The following SLCO1B1 variants were observed in gnomAD, a reference collection of about 807,000 sequenced individuals.
SLCO1B1 encodes solute carrier organic anion transporter family member 1B1, also known as OATP-2.
SLCO1B1 carries 81 observed loss-of-function variants against 70.1 expected under a neutral mutation model. The observed-to-expected ratio is 1.16, with a 90% CI of 0.97 to 1.39. The LOEUF (loss-of-function observed/expected upper bound fraction) is 1.39, where lower values mean the gene tolerates loss of function less well. Among genes scored for constraint, SLCO1B1 ranks in the 40% most tolerant of loss-of-function variants. SLCO1B1 has a pLI of 0.00. For synonymous variants in SLCO1B1, 283 were observed against 271.5 expected, an observed-to-expected ratio of 1.04 and a Z score of -0.42; for missense variants, 895 against 799.6, an observed-to-expected ratio of 1.12 and a Z score of -1.44.
chr12:21,156,167 T>A (rs1263832117), intron 2 of SLCO1B1, among the ~76,000 whole-genome samples: 2 of 152,156 alleles, frequency 1.3e-5, no homozygotes, highest in African/African-American at 4.8e-5. Context: ...TGTGATTTCA[T>A]AATGGAGACC....
chr12:21,184,244 A>G (rs115823375), intron 7 of SLCO1B1, among the ~76,000 whole-genome samples: 89 of 152,288 alleles, frequency 5.8e-4, no homozygotes, highest in African/African-American at 2.1e-3. Context: ...TTCCTAAATT[A>G]CAGAGAACCC....
intron 14 of SLCO1B1, among the ~76,000 whole-genome samples, chr12:21,238,587 A>G (rs1400748086): frequency 1.3e-5 from 2 of 152,068 alleles, no homozygotes; most frequent in Middle Eastern, 6.8e-3. Flanking sequence ...AAGGTGCTGG[A>G]GAAGGGGTAG....
intron 7 of SLCO1B1, among the ~76,000 whole-genome samples, chr12:21,181,951 A>G (rs1377172708): frequency 6.6e-6 from 1 of 152,194 alleles, no homozygotes; most frequent in East Asian, 1.9e-4. Flanking sequence ...AATATACACA[A>G]ATCTATTATA....
chr12:21,178,169 G>A (rs751242223), intron 5 of SLCO1B1, among the ~76,000 whole-genome samples: 19 of 152,076 alleles, frequency 1.2e-4, no homozygotes, highest in East Asian at 5.8e-4. Context: ...TTTTGGGGGC[G>A]GTTTCCCCCA....
intron 14 of SLCO1B1, among the ~76,000 whole-genome samples, chr12:21,225,426 TA>T (rs4149106): frequency 4.0e-4 from 60 of 151,436 alleles, no homozygotes; most frequent in African/African-American, 1.1e-3. Context: ...TTTACCTCTT[TA>T]AAAAAAAACT....
At chr12:21,203,452 C>A (rs1216475641) in intron 10 of SLCO1B1, among the ~76,000 whole-genome samples, 1 of 151,938 alleles carries the variant, frequency 6.6e-6, no homozygotes, top group Non-Finnish European at 1.5e-5. Flanking sequence ...GGTTCACATT[C>A]AAGCAACAAG....
intron 14 of SLCO1B1, among the ~76,000 whole-genome samples, chr12:21,231,239 T>G (rs1941533955): frequency 7.9e-5 from 12 of 152,110 alleles, no homozygotes; most frequent in Admixed American, 7.9e-4. Flanking sequence ...GACATTTGGG[T>G]TGGTTCCAAG....
intron 2 of SLCO1B1, among the ~76,000 whole-genome samples, chr12:21,161,156 T>TGTGTATATACACA (rs1940613518): frequency 6.6e-6 from 1 of 152,192 alleles, no homozygotes; most frequent in Non-Finnish European, 1.5e-5. Flanking sequence ...ACCTCATCAC[T>TGTGTATATACACA]GTGTATATAC....
intron 14 of SLCO1B1, among the ~76,000 whole-genome samples, chr12:21,227,172 C>G (rs1189861740): frequency 6.6e-6 from 1 of 151,544 alleles, no homozygotes; most frequent in Non-Finnish European, 1.5e-5. Flanking sequence ...TTTATGATGG[C>G]AAAATATTGG....
chr12:21,140,006 T>C (rs1239194391), intron 1 of SLCO1B1, among the ~76,000 whole-genome samples: 2 of 152,106 alleles, frequency 1.3e-5, no homozygotes, highest in African/African-American at 2.4e-5. Context: ...ACTAATTCAA[T>C]GTTAATGAAT....
chr12:21,177,011 AC>A (rs1940829676), intron 5 of SLCO1B1, 114 bp downstream of exon 5: 2 of 789,516 alleles, frequency 2.5e-6, no homozygotes, highest in African/African-American at 1.7e-5. Context: ...AATAGGAAAA[AC>A]ATTTGACTCT....
intron 11 of SLCO1B1, among the ~76,000 whole-genome samples, chr12:21,215,791 C>G (rs1048410358): frequency 5.9e-5 from 9 of 152,220 alleles, no homozygotes; most frequent in African/African-American, 1.7e-4. Flanking sequence ...TGGGTACTCA[C>G]TCTTTTTTGT....
At chr12:21,210,834 A>G (rs1941274322) in intron 11 of SLCO1B1, among the ~76,000 whole-genome samples, 1 of 151,612 alleles carries the variant, frequency 6.6e-6, no homozygotes, top group Non-Finnish European at 1.5e-5. Context: ...TGTGAATGGG[A>G]GTTCACTCAT....
intron 2 of SLCO1B1, among the ~76,000 whole-genome samples, chr12:21,144,216 A>T (rs184370666): frequency 8.1e-4 from 124 of 152,298 alleles, no homozygotes; most frequent in African/African-American, 2.6e-3. Flanking sequence ...AGTCATTTTA[A>T]GAAAGAACCA....
At chr12:21,226,591 G>C (rs1941484572) in intron 14 of SLCO1B1, among the ~76,000 whole-genome samples, 1 of 151,906 alleles carries the variant, frequency 6.6e-6, no homozygotes, top group Non-Finnish European at 1.5e-5. Flanking sequence ...GCATTTTAAG[G>C]GTGGTGAAAT....
At chr12:21,188,162 C>T (rs11045834) in intron 7 of SLCO1B1, among the ~76,000 whole-genome samples, 45,872 of 151,768 alleles carry the variant, frequency 0.3, 7,123 homozygotes, top group African/African-American at 0.36. Context: ...GAAATTATGG[C>T]GTATTTATGA....
chr12:21,170,353 T>C (rs1050971056), intron 2 of SLCO1B1, among the ~76,000 whole-genome samples: 4 of 152,292 alleles, frequency 2.6e-5, no homozygotes, highest in African/African-American at 9.6e-5. Context: ...AACCTTGTAA[T>C]TGGTTCTGAA....
intron 1 of SLCO1B1, among the ~76,000 whole-genome samples, chr12:21,131,808 A>T (rs1940137662): frequency 2.6e-5 from 4 of 152,036 alleles, no homozygotes; most frequent in Admixed American, 2.6e-4. Flanking sequence ...ATAAGCAAAA[A>T]GTCTTCTCAG....
chr12:21,154,246 C>G (rs892531416), intron 2 of SLCO1B1, among the ~76,000 whole-genome samples: 2 of 151,950 alleles, frequency 1.3e-5, no homozygotes, highest in Non-Finnish European at 2.9e-5. Flanking sequence ...CAAGGTGATT[C>G]TATTAGAAGG....
Sources: gnomAD v4.1 joint callset for allele counts (sites outside exome capture counted in the v4.1 genomes callset) on GRCh38, gnomAD v4.1.1 for gene constraint, MANE v1.5 for transcripts, NCBI Gene and HGNC (gene_info 2026-07-23, HGNC 2026-07-21) for gene names.